Variants in BACH2 observed in about 807,000 individuals in gnomAD.
BACH2 encodes the protein transcription regulator protein BACH2.
A neutral mutation model predicts 61.8 loss-of-function variants in BACH2; 5 were observed. The observed-to-expected ratio is 0.08, with a 90% CI of 0.04 to 0.17. The LOEUF (loss-of-function observed/expected upper bound fraction) is 0.17, where lower values mean the gene tolerates loss of function less well. Ranked by LOEUF, BACH2 falls within the 10% of genes least tolerant of loss-of-function variation. BACH2 has a pLI of 1.00. For synonymous variants in BACH2, 446 were observed against 440.1 expected (o/e 1.01, Z -0.17); for missense variants, 824 against 1,091.1 (o/e 0.76, Z 3.45).
intron 4 of BACH2, among the ~76,000 whole-genome samples, chr6:90,119,877 G>A (rs1783553458): frequency 6.6e-6 from 1 of 152,148 alleles, no homozygotes; most frequent in African/African-American, 2.4e-5. Flanking sequence ...TCAGAGAGTT[G>A]CTCTTGGTTT....
At chr6:90,037,534 G>T (rs1177089031) in intron 5 of BACH2, among the ~76,000 whole-genome samples, 1 of 152,186 alleles carries the variant, frequency 6.6e-6, no homozygotes, top group Non-Finnish European at 1.5e-5. Flanking sequence ...TAACACTCTT[G>T]GTGGAAACAG....
At chr6:90,130,471 T>C (rs944375209) in intron 4 of BACH2, among the ~76,000 whole-genome samples, 2 of 152,242 alleles carry the variant, frequency 1.3e-5, no homozygotes, top group African/African-American at 4.8e-5. Flanking sequence ...TGGTTATCAT[T>C]CAGTAGAGTA....
At chr6:90,070,020 C>T (rs912787331) in intron 5 of BACH2, among the ~76,000 whole-genome samples, 3 of 152,096 alleles carry the variant, frequency 2.0e-5, no homozygotes, top group Non-Finnish European at 4.4e-5. Context: ...GCTGACAACA[C>T]GATCATTGTG....
In BACH2 at chr6:89,950,874, A is replaced by G. The variant is rs770391865; in HGVS notation, c.1232T>C (p.Leu411Pro). The change falls in exon 7 of 9, where the codon CTC (leucine) becomes CCC (proline). Residue 411 changes from leucine (L) to proline (P), a missense_variant. Physicochemically the swap from Leu to Pro is moderately conservative, Grantham distance 98. This residue lies in a region of BACH2 where 226 missense variants were observed against 228.5 expected (regional missense o/e 0.99). Transcript: ENST00000257749. This position sits in a 1 kb window ranked among gnomAD's most constrained non-coding sequence, Gnocchi z 5.3. ...GAGAGCCTCCAACCCAGGCCCCCTG[A>G]GGGGCGACCCCATGGTGAAGTTGGA... is the stretch of plus-strand genomic sequence containing the variant. ...EVSNFTMGSP[L>P]RGPGLEALCK... is the part of the protein sequence containing the mutation. 1 of 1,608,858 alleles carries G rather than the reference A, an allele frequency of 6.2e-7. No individual in the cohort carries two copies. Among genetic ancestry groups the G allele is most frequent in the Admixed American group, 1.7e-5 (1 of 59,674 alleles).
intron 4 of BACH2, among the ~76,000 whole-genome samples, chr6:90,145,814 CAGAGAG>C (rs1330592503): frequency 3.9e-5 from 6 of 152,268 alleles, no homozygotes; most frequent in Admixed American, 3.9e-4. Flanking sequence ...TGGATTTGCA[CAGAGAG>C]GTAAAACACA....
intron 4 of BACH2, among the ~76,000 whole-genome samples, chr6:90,160,830 C>G (rs983750778): frequency 2.0e-5 from 3 of 152,102 alleles, no homozygotes; most frequent in African/African-American, 7.2e-5. Context: ...GTGGCTCATG[C>G]CTGTAATCCC....
chr6:90,222,142 C>G (rs963337845), intron 3 of BACH2, among the ~76,000 whole-genome samples: 2 of 152,158 alleles, frequency 1.3e-5, no homozygotes, highest in African/African-American at 4.8e-5. Context: ...GTGGATTCTA[C>G]ACTTACGGCA....
At chr6:90,131,987 C>T (rs1254102214) in intron 4 of BACH2, among the ~76,000 whole-genome samples, 3 of 152,212 alleles carry the variant, frequency 2.0e-5, no homozygotes, top group Admixed American at 2.0e-4. Context: ...GGTCAAGAGG[C>T]TGTTACTTTT....
chr6:90,202,362 G>A (rs555152831), intron 4 of BACH2, among the ~76,000 whole-genome samples: 13 of 152,284 alleles, frequency 8.5e-5, no homozygotes, highest in South Asian at 8.3e-4. Context: ...ACTGATCTGC[G>A]TGTAAACGTG....
chr6:90,287,379 C>CT (rs1033417329), intron 1 of BACH2, among the ~76,000 whole-genome samples: 1 of 151,238 alleles, frequency 6.6e-6, no homozygotes, highest in Non-Finnish European at 1.5e-5. Context: ...GGATCCGCTG[C>CT]TTTTTTTTTC....
At chr6:90,071,473 A>G (rs987901188) in intron 5 of BACH2, among the ~76,000 whole-genome samples, 6 of 152,244 alleles carry the variant, frequency 3.9e-5, no homozygotes, top group African/African-American at 1.4e-4. Flanking sequence ...AGAGTAAACC[A>G]GGTGGAGAGA....
chr6:90,262,418 C>CAAGT (rs988133741), intron 2 of BACH2, among the ~76,000 whole-genome samples: 54 of 152,290 alleles, frequency 3.5e-4, no homozygotes, highest in African/African-American at 1.3e-3. Context: ...CCAGGCCATT[C>CAAGT]AAGTGGCTGT....
chr6:90,040,922 T>C (rs1018255543), intron 5 of BACH2, among the ~76,000 whole-genome samples: 5 of 152,252 alleles, frequency 3.3e-5, no homozygotes, highest in African/African-American at 1.2e-4. Context: ...AATCCATTAG[T>C]ACATAATGGG....
At chr6:90,000,809 G>A (rs1304661340) in intron 6 of BACH2, among the ~76,000 whole-genome samples, 1 of 152,200 alleles carries the variant, frequency 6.6e-6, no homozygotes, top group African/African-American at 2.4e-5. Flanking sequence ...CTGTAAGGAA[G>A]GCCCTTTCTG....
At chr6:90,221,710 G>T (rs1769740130) in intron 3 of BACH2, among the ~76,000 whole-genome samples, 1 of 152,122 alleles carries the variant, frequency 6.6e-6, no homozygotes, top group Non-Finnish European at 1.5e-5. Flanking sequence ...AATTAAGTCA[G>T]GTCCTAAAAG....
intron 5 of BACH2, among the ~76,000 whole-genome samples, chr6:90,071,029 A>G (rs1781201790): frequency 1.3e-5 from 2 of 152,160 alleles, no homozygotes; most frequent in South Asian, 4.1e-4. Context: ...TCTGTCACCC[A>G]TGCTGCAGTG....
intron 4 of BACH2, among the ~76,000 whole-genome samples, chr6:90,111,347 G>T (rs1783162882): frequency 6.6e-6 from 1 of 152,170 alleles, no homozygotes; most frequent in South Asian, 2.1e-4. Flanking sequence ...TCTCCACAGA[G>T]CAGCCAGATA....
At chr6:90,117,947 A>G (rs1474318018) in intron 4 of BACH2, among the ~76,000 whole-genome samples, 17 of 152,118 alleles carry the variant, frequency 1.1e-4, no homozygotes. Flanking sequence ...CTCTGCTTTC[A>G]CTATTTTCTA....
chr6:90,188,769 A>G (rs1768449983), intron 4 of BACH2, among the ~76,000 whole-genome samples: 1 of 151,390 alleles, frequency 6.6e-6, no homozygotes, highest in Admixed American at 6.6e-5. Flanking sequence ...TGAAAAAAAA[A>G]AAAAAAAAAA....
Sources: allele counts gnomAD v4.1 joint callset (sites outside exome capture counted in the v4.1 genomes callset), GRCh38; gene constraint gnomAD v4.1.1; regional missense constraint gnomAD v4.1.1; non-coding constraint Gnocchi (gnomAD v3.1); transcripts MANE v1.5; gene names NCBI Gene and HGNC (gene_info 2026-07-23, HGNC 2026-07-21).